The following SLC7A6 variants were observed in gnomAD, a reference collection of about 807,000 sequenced individuals.
The protein encoded by SLC7A6 is Y+L amino acid transporter 2.
Under a neutral mutation model 46.6 loss-of-function variants are expected in SLC7A6, and 29 were observed. That is an observed-to-expected ratio of 0.62 (90% CI 0.46 to 0.85). The LOEUF is 0.85. SLC7A6 is among the 40% of genes least tolerant of loss of function. The pLI, the probability that SLC7A6 is intolerant of heterozygous loss-of-function variation, is 0.00. For synonymous variants in SLC7A6, 276 were observed against 257.3 expected (o/e 1.07, Z -0.70); for missense variants, 527 against 647.6 (o/e 0.81, Z 2.02).
chr16:68,278,939 GC>G (rs1252990404), intron 3 of SLC7A6, among the ~76,000 whole-genome samples: 1 of 151,588 alleles, frequency 6.6e-6, no homozygotes, highest in South Asian at 2.1e-4. Context: ...GGGCGGAGGC[GC>G]CCCCCACCTC....
chr16:68,297,323 G>A lies in SLC7A6; in HGVS notation c.1543G>A (p.Asp515Asn). ...AGAAAAAAAGGATGAGAGGAAAACT[G>A]ACTAGAGGTCAGAGGTGGCTTTCTG... ...AEEKKDERKT[D>N] The change falls in exon 11 of 11, where the codon GAC (aspartate) becomes AAC (asparagine). Residue 515 changes from aspartate to asparagine, a missense_variant. Coordinates refer to ENST00000219343, the MANE Select transcript of SLC7A6 (RefSeq NM_003983.6). 2 of 1,614,078 alleles carry A rather than the reference G, an allele frequency of 1.2e-6. No individual in the cohort carries two copies. Among genetic ancestry groups the A allele is most frequent in the Non-Finnish European group, 1.7e-6 (2 of 1,179,984 alleles).
In SLC7A6 at chr16:68,299,093, G is replaced by A. The variant is rs1005647951; in HGVS notation, c.*1765G>A. On this transcript the variant is annotated 3_prime_UTR_variant, in exon 11 of 11. Transcript: ENST00000219343. Reference sequence around the variant, plus strand: ...TCCTACTGTCATGGGTTTGGGATTTGTAACGGCAAATTCCTGCCCGACGAC... The same window carrying A: ...TCCTACTGTCATGGGTTTGGGATTTATAACGGCAAATTCCTGCCCGACGAC... The A allele has an allele frequency of 6.6e-6, 1 of 152,668 alleles. No individual in the cohort carries two copies. Among genetic ancestry groups the A allele is most frequent in the Admixed American group, 6.5e-5 (1 of 15,286 alleles). 9.5% of individuals were successfully genotyped at this position (152,668 alleles called of 1,614,324 possible).
In SLC7A6 at chr16:68,274,932, G is replaced by T. The variant is rs748555070; in HGVS notation, c.206G>T (p.Gly69Val). The T allele has an allele frequency of 1.2e-6, 2 of 1,614,224 alleles. No individual in the cohort carries two copies. Among genetic ancestry groups the T allele is most frequent in the East Asian group, 4.5e-5 (2 of 44,884 alleles). The change falls in exon 3 of 11, where the codon GGT (glycine) becomes GTT (valine). Residue 69 changes from glycine (G) to valine (V), a missense_variant. By Grantham distance (109) the Gly-to-Val change is moderately radical. Coordinates refer to ENST00000219343, the MANE Select transcript of SLC7A6 (RefSeq NM_003983.6). Reference protein sequence around the residue: ...IGSGIFVSPKGVLVHTASYGM... With the variant: ...IGSGIFVSPKVVLVHTASYGM... ...TCAGGGATCTTTGTCTCACCCAAGGGTGTGCTGGTACACACTGCCTCCTAT... is the reference window on the plus strand; with the variant it reads ...TCAGGGATCTTTGTCTCACCCAAGGTTGTGCTGGTACACACTGCCTCCTAT...
rs1296524616 is a variant in SLC7A6 at position 68,294,748 on chromosome 16, C to A, written c.1066C>A (p.Leu356Met). The A allele has an allele frequency of 1.2e-6, 2 of 1,614,012 alleles. No homozygotes were observed. Among genetic ancestry groups the A allele is most frequent in the East Asian group, 4.5e-5 (2 of 44,896 alleles). The change falls in exon 8 of 11, where the codon CTG (leucine) becomes ATG (methionine). Residue 356 changes from leucine to methionine, a missense_variant. Leu to Met is a conservative substitution (Grantham distance 15). Coordinates refer to ENST00000219343, the MANE Select transcript of SLC7A6 (RefSeq NM_003983.6). ...GSREGHLPDLLSMIHIERFTP... is the reference protein window; with the variant it reads ...GSREGHLPDLMSMIHIERFTP... ...CCGGGAGGGCCACCTACCGGACCTT[C>A]TGTCCATGATCCACATTGAGCGTTT... is the stretch of plus-strand genomic sequence containing the variant.
chr16:68,297,317 A>G lies in SLC7A6; in HGVS notation c.1537A>G (p.Lys513Glu). The part of the protein sequence containing the change: ...DVAEEKKDER[K>E]TD ...AGCCGAAGAAAAAAAGGATGAGAGG[A>G]AAACTGACTAGAGGTCAGAGGTGGC... The change falls in exon 11 of 11, where the codon AAA becomes GAA. Residue 513 changes from lysine (K) to glutamate (E), a missense_variant. Coordinates refer to ENST00000219343, the MANE Select transcript of SLC7A6 (RefSeq NM_003983.6). 6.2e-7 allele frequency: 1 copy of G among 1,614,168 alleles called. No individual in the cohort carries two copies. The highest frequency in any genetic ancestry group is 1.1e-5 in the South Asian group (1 of 91,080).
At chr16:68,273,775 A>ATT (rs34895137) in intron 2 of SLC7A6, 5,684 of 142,970 alleles carry the variant, frequency 0.04, 143 homozygotes, top group Middle Eastern at 0.11. Context: ...CCAGGCATGT[A>ATT]TTTTTTTTTT....
chr16:68,290,758 G>A, intron 5 of SLC7A6: 1 of 584,464 alleles, frequency 1.7e-6, no homozygotes, highest in Non-Finnish European at 3.0e-6. Context: ...TGGAGGATAG[G>A]GCCTTCCTAG....
intron 2 of SLC7A6, among the ~76,000 whole-genome samples, chr16:68,273,475 G>A (rs2042655945): frequency 1.3e-5 from 2 of 152,116 alleles, no homozygotes; most frequent in Admixed American, 6.5e-5. Flanking sequence ...GTTGAGGGAG[G>A]GAGAAGATCA....
intron 7 of SLC7A6, among the ~76,000 whole-genome samples, chr16:68,293,966 C>T (rs886978642): frequency 2.6e-5 from 4 of 152,026 alleles, no homozygotes; most frequent in Non-Finnish European, 2.9e-5. Flanking sequence ...GGTGCGATCT[C>T]GGCTCACTGC....
chr16:68,274,993 C>G lies in SLC7A6; in HGVS notation c.267C>G (p.Leu89=), dbSNP rs560929162. The change falls in exon 3 of 11, where the codon CTC becomes CTG. Residue 89 remains leucine, a synonymous_variant. Transcript: ENST00000219343. ...TGATTGTGTGGGCCATTGGTGGGCT[C>G]TTCTCTGTTGTGGGTGCCCTTTGTT... ...MSLIVWAIGG[L]FSVVGALCYA... is the part of the protein sequence containing the mutation. 6.2e-7 allele frequency: 1 copy of G among 1,614,204 alleles called. No individual in the cohort carries two copies. The highest frequency in any genetic ancestry group is 1.3e-5 in the African/African-American group (1 of 75,040).
At chr16:68,291,401 G>A (rs2043046509) in intron 6 of SLC7A6, 69 bp downstream of exon 6, 7 of 1,599,072 alleles carry the variant, frequency 4.4e-6, no homozygotes, top group Non-Finnish European at 6.0e-6. Context: ...AGCTCAGTCT[G>A]TCTTACTGCA....
At chr16:68,287,452 A>C (rs774072010) in intron 3 of SLC7A6, 1 of 1,336,532 alleles carries the variant, frequency 7.5e-7, no homozygotes, top group South Asian at 1.2e-5. Flanking sequence ...GAAATCACCC[A>C]TCCCTGGGCC....
In SLC7A6 at chr16:68,301,532, A is replaced by G. The variant is rs2043276052; in HGVS notation, c.*4204A>G. ...ATGCAAAATCCTTGCTCAATAAATAAAAAAGAATATAGAATTCTTTTTTTT... is the reference window on the plus strand; with the variant it reads ...ATGCAAAATCCTTGCTCAATAAATAGAAAAGAATATAGAATTCTTTTTTTT... On this transcript the variant is annotated 3_prime_UTR_variant, in exon 11 of 11. Transcript: ENST00000219343. 2.9e-6 allele frequency: 2 copies of G among 699,860 alleles called. No homozygotes were observed. The highest frequency in any genetic ancestry group is 3.7e-5 in the African/African-American group (2 of 54,182). The allele number at this position is 699,860 out of a possible 1,614,324, so 43.4% of individuals were successfully genotyped here.
Position 68,275,035 on chromosome 16 carries a change from C to T in SLC7A6, c.309C>T (p.Thr103=), listed in dbSNP as rs140745215. 232 of 1,614,164 alleles carry T rather than the reference C, an allele frequency of 1.4e-4. 3 individuals are homozygous for T. The African/African-American group carries it at 2.5e-3, about 18-fold the overall frequency. The part of the protein sequence containing the change: ...VGALCYAELG[T]TITKSGASYA... ...CCCTTTGTTATGCAGAGCTGGGGAC[C>T]ACCATCACCAAGTCGGGAGCCAGCT... Residue 103 remains threonine (T), a synonymous_variant, in exon 3 of 11, where the codon ACC becomes ACT. Transcript: ENST00000219343.
At chr16:68,287,989 T>A in intron 4 of SLC7A6, 118 bp downstream of exon 4, 4 of 1,417,912 alleles carry the variant, frequency 2.8e-6, no homozygotes, top group Non-Finnish European at 1.9e-6. Flanking sequence ...CATGTGTCAG[T>A]GAGTGCAAGA....
At position 68,294,800 on chromosome 16, in the gene SLC7A6, A is replaced by G. The variant is rs747984243; in HGVS notation, c.1118A>G (p.Asn373Ser). 19 of 1,610,856 alleles carry G rather than the reference A, an allele frequency of 1.2e-5. No individual in the cohort carries two copies. Among genetic ancestry groups the G allele is most frequent in the East Asian group, 1.1e-4 (5 of 44,858 alleles). ...RFTPIPALLF[N>S]CTMALIYLIV... is the part of the protein sequence containing the mutation. ...ACACCTATCCCTGCTTTACTGTTCAATGTAAGCTTTGCTGGGACCACGGGG... is the reference window on the plus strand; with the variant it reads ...ACACCTATCCCTGCTTTACTGTTCAGTGTAAGCTTTGCTGGGACCACGGGG... Residue 373 changes from asparagine to serine, a missense_variant and splice_region_variant, in exon 8 of 11, where the codon AAT becomes AGT. By Grantham distance (46) the Asn-to-Ser change is conservative. Coordinates refer to ENST00000219343, the MANE Select transcript of SLC7A6 (RefSeq NM_003983.6).
At chr16:68,282,040 G>A (rs1402730328) in intron 3 of SLC7A6, among the ~76,000 whole-genome samples, 1 of 152,180 alleles carries the variant, frequency 6.6e-6, no homozygotes, top group Non-Finnish European at 1.5e-5. Context: ...TGATCCCTGA[G>A]TATCCATTGT....
At chr16:68,293,831 CGAGT>C (rs1418182826) in intron 7 of SLC7A6, among the ~76,000 whole-genome samples, 12 of 152,342 alleles carry the variant, frequency 7.9e-5, no homozygotes, top group African/African-American at 1.2e-4. Context: ...TCAAGCCTAG[CGAGT>C]GAGTGTCGTG....
intron 3 of SLC7A6, among the ~76,000 whole-genome samples, chr16:68,283,101 A>G (rs2042858937): frequency 6.6e-6 from 1 of 152,234 alleles, no homozygotes; most frequent in South Asian, 2.1e-4. Context: ...TCAGATTGCC[A>G]GGCAATCTCC....
Sources: allele counts gnomAD v4.1 joint callset (sites outside exome capture counted in the v4.1 genomes callset), GRCh38; gene constraint gnomAD v4.1.1; transcripts MANE v1.5; gene names NCBI Gene and HGNC (gene_info 2026-07-23, HGNC 2026-07-21).